SREBF2: variants seen among roughly 807,000 people sequenced by gnomAD.
The protein encoded by SREBF2 is sterol regulatory element binding transcription factor 2.
Under a neutral mutation model 113.1 loss-of-function variants are expected in SREBF2, and 55 were observed. That is an observed-to-expected ratio of 0.49 (90% CI 0.39 to 0.61). The LOEUF (loss-of-function observed/expected upper bound fraction) is 0.61, where lower values mean the gene tolerates loss of function less well. SREBF2 is among the 20% of genes least tolerant of loss of function. The pLI is 0.00. For synonymous variants in SREBF2, 593 were observed against 605.7 expected (o/e 0.98, Z 0.31); for missense variants, 1,349 against 1,487.4 (o/e 0.91, Z 1.53).
rs1569409589 is a variant in SREBF2, at chr22:41,897,039, C to T, written c.2496-13C>T. On this transcript the variant is annotated splice_polypyrimidine_tract_variant and intron_variant, in intron 13 of 18. Coordinates refer to ENST00000361204, the MANE Select transcript of SREBF2 (RefSeq NM_004599.4). ...TGTTTTGATGTACATGGGACCCTTT[C>T]TTTTCTTCCTAGTGAATTCTCCAGT... 6.3e-7 allele frequency: 1 copy of T among 1,595,758 alleles called. No homozygotes were observed. The highest frequency in any genetic ancestry group is 1.1e-5 in the South Asian group (1 of 89,698).
intron 11 of SREBF2, among the ~76,000 whole-genome samples, chr22:41,890,772 G>C (rs543593802): frequency 6.6e-6 from 1 of 151,936 alleles, no homozygotes; most frequent in Non-Finnish European, 1.5e-5. Context: ...GCTGGGTGCG[G>C]TGGCGGGTGC....
intron 9 of SREBF2, chr22:41,878,864 A>G: frequency 1.6e-6 from 1 of 640,380 alleles, no homozygotes; most frequent in Non-Finnish European, 2.5e-6. Context: ...TATGGGTCTC[A>G]GAATATAGAT....
At chr22:41,856,859 A>C (rs1405146454) in intron 1 of SREBF2, among the ~76,000 whole-genome samples, 1 of 152,030 alleles carries the variant, frequency 6.6e-6, no homozygotes, top group African/African-American at 2.4e-5. Flanking sequence ...TGGATCACCT[A>C]AGGTCAGGAG....
intron 17 of SREBF2, 48 bp downstream of exon 17, chr22:41,903,203 GC>G: frequency 6.5e-7 from 1 of 1,540,554 alleles, no homozygotes; most frequent in African/African-American, 1.4e-5. Flanking sequence ...AGCCTGTGGG[GC>G]CTGAGCCCAG....
intron 13 of SREBF2, among the ~76,000 whole-genome samples, chr22:41,896,778 G>A (rs1475433990): frequency 6.6e-6 from 1 of 152,194 alleles, no homozygotes; most frequent in Non-Finnish European, 1.5e-5. Context: ...CTGGACTTGG[G>A]GCTTAAGGAG....
chr22:41,847,759 C>T (rs1031398459), intron 1 of SREBF2, among the ~76,000 whole-genome samples: 52 of 152,154 alleles, frequency 3.4e-4, no homozygotes, highest in African/African-American at 5.6e-4. Context: ...TGAGATTAAA[C>T]GAAATTTGTG....
chr22:41,862,308 T>A (rs541751532), intron 1 of SREBF2, among the ~76,000 whole-genome samples: 11 of 152,110 alleles, frequency 7.2e-5, no homozygotes, highest in Non-Finnish European at 1.2e-4. Context: ...AACCTCTAAT[T>A]TTGGTTATTT....
chr22:41,907,070 C>G lies in SREBF2; in HGVS notation c.*1410C>G, dbSNP rs894793069. On this transcript the variant is annotated 3_prime_UTR_variant, in exon 19 of 19. Transcript: ENST00000361204. ...GCTGGAATGTTATCCCTGGGGTGTGCTTGGACCCCACCTGCTTTCTTTCTC... is the reference window on the plus strand; with the variant it reads ...GCTGGAATGTTATCCCTGGGGTGTGGTTGGACCCCACCTGCTTTCTTTCTC... The G allele has an allele frequency of 2.0e-5, 3 of 152,224 alleles. No homozygotes were observed. Among genetic ancestry groups the G allele is most frequent in the Non-Finnish European group, 4.4e-5 (3 of 68,092 alleles). 9.4% of individuals were successfully genotyped at this position (152,224 alleles called of 1,614,324 possible).
intron 1 of SREBF2, among the ~76,000 whole-genome samples, chr22:41,854,310 C>T (rs887489923): frequency 4.0e-5 from 6 of 151,200 alleles, no homozygotes; most frequent in Middle Eastern, 3.2e-3. Flanking sequence ...TACAGGCACC[C>T]ACCCCCACAC....
In SREBF2 at chr22:41,875,414, G is replaced by A; in HGVS notation, c.1167G>A (p.Gln389=). 1 of 1,614,236 alleles carries A rather than the reference G, an allele frequency of 6.2e-7. No homozygotes were observed. The highest frequency in any genetic ancestry group is 1.1e-5 in the South Asian group (1 of 91,088). ...AGCAGGTCAATCATAAACTGCGCCA[G>A]GAGAACATGGTGCTGAAGCTGGCAA... ...YLQQVNHKLR[Q]ENMVLKLANQ... The change falls in exon 6 of 19, where the codon CAG becomes CAA. Residue 389 remains glutamine (Q), a synonymous_variant. Coordinates refer to ENST00000361204, the MANE Select transcript of SREBF2 (RefSeq NM_004599.4).
intron 12 of SREBF2, 116 bp downstream of exon 12, chr22:41,893,401 C>A: frequency 1.8e-6 from 2 of 1,131,928 alleles, no homozygotes; most frequent in South Asian, 1.3e-5. Flanking sequence ...TTGTTGAGTC[C>A]GTTTGTTTGT....
At chr22:41,889,851 A>G (rs764507082) in intron 11 of SREBF2, among the ~76,000 whole-genome samples, 8 of 151,978 alleles carry the variant, frequency 5.3e-5, no homozygotes, top group Non-Finnish European at 8.8e-5. Context: ...AAATACAAAA[A>G]TTAGCCAGGG....
chr22:41,873,532 G>A (rs2077165550), intron 4 of SREBF2, among the ~76,000 whole-genome samples: 1 of 152,140 alleles, frequency 6.6e-6, no homozygotes, highest in South Asian at 2.1e-4. Flanking sequence ...GGCATACGTA[G>A]ATCAAAACTT....
chr22:41,877,516 C>T, intron 8 of SREBF2, 95 bp downstream of exon 8: 2 of 1,420,162 alleles, frequency 1.4e-6, no homozygotes, highest in African/African-American at 1.4e-5. Flanking sequence ...GCTACCAGGT[C>T]CCAAAGGGCT....
chr22:41,852,831 C>T (rs1479260664), intron 1 of SREBF2, among the ~76,000 whole-genome samples: 8 of 145,096 alleles, frequency 5.5e-5, no homozygotes, highest in Non-Finnish European at 1.2e-4. Context: ...TCTCAGCTCA[C>T]TGCACCCTCC....
rs1468829972 is a variant in SREBF2, at chr22:41,880,882, A to G, written c.1928A>G (p.Gln643Arg). ...LVRWLLKKVF[Q>R]CRRATPATEA... ...CGCTGGCTGCTCAAGAAAGTCTTCC[A>G]GTGCCGGCGGGCCACGCCAGCCACT... The change falls in exon 10 of 19, where the codon CAG becomes CGG. Residue 643 changes from glutamine (Q) to arginine (R), a missense_variant. Physicochemically the swap from Gln to Arg is conservative, Grantham distance 43 (BLOSUM62 1). Around this residue, in one of 2 missense-constraint regions of SREBF2, gnomAD observed 699 missense variants for 843.3 expected, o/e 0.83. Coordinates refer to ENST00000361204, the MANE Select transcript of SREBF2 (RefSeq NM_004599.4). 1.2e-6 allele frequency: 2 copies of G among 1,613,600 alleles called. No individual in the cohort carries two copies. The highest frequency in any genetic ancestry group is 1.7e-4 in the Middle Eastern group (1 of 6,056).
intron 1 of SREBF2, among the ~76,000 whole-genome samples, chr22:41,864,615 C>G (rs1194795056): frequency 6.6e-6 from 1 of 151,786 alleles, no homozygotes. Flanking sequence ...TCACCGCGCC[C>G]GGCCCAAAAA....
At chr22:41,875,257 T>A in intron 5 of SREBF2, 80 bp from the exon 6 acceptor site, 1 of 1,194,086 alleles carries the variant, frequency 8.4e-7, no homozygotes, top group African/African-American at 1.5e-5. Context: ...CATGCTGTCA[T>A]CCCAAGTGCT....
Position 41,894,862 on chromosome 22 carries a change from T to G in SREBF2, c.2420T>G (p.Leu807Arg), listed in dbSNP as rs758380882. 1 of 1,614,034 alleles carries G rather than the reference T, an allele frequency of 6.2e-7. No homozygotes were observed. The highest frequency in any genetic ancestry group is 8.5e-7 in the Non-Finnish European group (1 of 1,180,032). The part of the protein sequence containing the change: ...AQVHQAFCKN[L>R]LERAIESLVK... Reference sequence around the variant, plus strand: ...GTCCACCAGGCCTTCTGCAAGAACCTGCTGGAGCGAGCTATAGAGTCCTTG... The same window carrying G: ...GTCCACCAGGCCTTCTGCAAGAACCGGCTGGAGCGAGCTATAGAGTCCTTG... Residue 807 changes from leucine (L) to arginine (R), a missense_variant, in exon 13 of 19, where the codon CTG (leucine) becomes CGG (arginine). Physicochemically the swap from Leu to Arg is moderately radical, Grantham distance 102. This residue lies in a region of SREBF2 where 650 missense variants were observed against 644.1 expected (regional missense o/e 1.01). Transcript: ENST00000361204.
Sources: gnomAD v4.1 joint callset for allele counts (sites outside exome capture counted in the v4.1 genomes callset) on GRCh38, gnomAD v4.1.1 for gene constraint, gnomAD v4.1.1 regional missense constraint, MANE v1.5 for transcripts, NCBI Gene and HGNC (gene_info 2026-07-23, HGNC 2026-07-21) for gene names.